The following AGBL1 variants were observed in gnomAD, a reference collection of about 807,000 sequenced individuals.
AGBL1 encodes the protein cytosolic carboxypeptidase 4.
A neutral mutation model predicts 118.9 loss-of-function variants in AGBL1; 130 were observed. The ratio of observed to expected loss-of-function variants is 1.09; its 90% CI spans 0.95 to 1.26. AGBL1 has a LOEUF of 1.26. Among genes scored for constraint, AGBL1 ranks in the 50% most tolerant of loss-of-function variants. AGBL1 has a pLI of 0.00. For synonymous variants in AGBL1, 555 were observed against 478.9 expected, an observed-to-expected ratio of 1.16 and a Z score of -2.08; for missense variants, 1,584 against 1,298.1, an observed-to-expected ratio of 1.22 and a Z score of -3.38.
rs528170409 is a variant in AGBL1, at chr15:86,268,592, C to G, written c.1839-1327C>G. On this transcript the variant is annotated intron_variant, in intron 13 of 22. Transcript: ENST00000614907. Reference sequence around the variant, plus strand: ...ATAGAGTCAAATAGCAGAAACAAACCTACTTATGGGTAAGGAATTTTTTAT... The same window carrying G: ...ATAGAGTCAAATAGCAGAAACAAACGTACTTATGGGTAAGGAATTTTTTAT... 2.5e-3 allele frequency among the ~76,000 whole-genome samples: 377 copies of G among 152,254 alleles called. 2 individuals are homozygous for G. Among genetic ancestry groups the G allele is most frequent in the Non-Finnish European group, 3.7e-3 (254 of 68,004 alleles).
chr15:86,817,540 C>G (rs2078879253), intron 22 of AGBL1, among the ~76,000 whole-genome samples: 1 of 144,350 alleles, frequency 6.9e-6, no homozygotes, highest in South Asian at 2.3e-4. Context: ...CACACACACA[C>G]ACACAGACAC....
chr15:86,346,044 G>C (rs776853981), intron 17 of AGBL1, among the ~76,000 whole-genome samples: 1 of 151,544 alleles, frequency 6.6e-6, no homozygotes, highest in East Asian at 1.9e-4. Flanking sequence ...GTGTAATGGC[G>C]TGATCTCGGC....
At chr15:86,382,138 A>G (rs938862069) in intron 17 of AGBL1, among the ~76,000 whole-genome samples, 8 of 151,890 alleles carry the variant, frequency 5.3e-5, no homozygotes, top group African/African-American at 1.9e-4. Flanking sequence ...CCTTCCCCAC[A>G]TCAGTCCCAG....
chr15:86,407,440 T>G (rs2142004618), intron 18 of AGBL1, among the ~76,000 whole-genome samples: 1 of 152,252 alleles, frequency 6.6e-6, no homozygotes, highest in African/African-American at 2.4e-5. Context: ...AGCATAGAAC[T>G]TGGGAAGTGG....
At chr15:86,573,490 A>G (rs369555373) in intron 21 of AGBL1, among the ~76,000 whole-genome samples, 2 of 152,228 alleles carry the variant, frequency 1.3e-5, no homozygotes, top group East Asian at 1.9e-4. Context: ...GAAACTGGAA[A>G]AGGTAACATC....
rs541387556 is a variant in AGBL1 at position 86,540,905 on chromosome 15, A to G, written c.2686-5097A>G. ...TCACCATGTTTATTCCTGCAGGTGA[A>G]TGGCTCTATAATTTGTCGTTTACTT... On this transcript the variant is annotated intron_variant, in intron 19 of 22. Transcript: ENST00000614907. Among the ~76,000 whole-genome samples the G allele has an allele frequency of 1.6e-4, 24 of 152,304 alleles. No individual in the cohort carries two copies. The South Asian group carries it at 5.0e-3, about 32-fold the overall frequency.
intron 21 of AGBL1, among the ~76,000 whole-genome samples, chr15:86,664,432 T>C (rs1440101728): frequency 6.6e-6 from 1 of 152,198 alleles, no homozygotes; most frequent in Admixed American, 6.6e-5. Context: ...AGGCAGGGAA[T>C]ATACACACTT....
chr15:86,337,737 G>A (rs2080395489), intron 17 of AGBL1, among the ~76,000 whole-genome samples: 2 of 152,106 alleles, frequency 1.3e-5, no homozygotes, highest in Admixed American at 1.3e-4. Flanking sequence ...GAGCATTAGG[G>A]AAAAAGCTGA....
intron 5 of AGBL1, among the ~76,000 whole-genome samples, chr15:86,175,378 G>A (rs187121052): frequency 5.8e-4 from 88 of 151,852 alleles, no homozygotes; most frequent in Admixed American, 5.7e-3. Flanking sequence ...TGTCATTTCT[G>A]ACTTTATTTA....
intron 21 of AGBL1, among the ~76,000 whole-genome samples, chr15:86,645,810 T>C (rs1368397350): frequency 6.6e-6 from 1 of 152,168 alleles, no homozygotes; most frequent in Non-Finnish European, 1.5e-5. Context: ...TTAAAATCCA[T>C]ATTATTTTTA....
At chr15:86,341,816 C>A (rs945572685) in intron 17 of AGBL1, among the ~76,000 whole-genome samples, 4 of 152,022 alleles carry the variant, frequency 2.6e-5, no homozygotes, top group Admixed American at 2.0e-4. Context: ...GTGAGTAGGC[C>A]ACTTGAGTCA....
intron 23 of AGBL1, among the ~76,000 whole-genome samples, chr15:86,936,543 T>C (rs1381712787): frequency 6.6e-6 from 1 of 152,090 alleles, no homozygotes; most frequent in Non-Finnish European, 1.5e-5. Context: ...CAAAAACAAG[T>C]AATGGGGAAA....
intron 22 of AGBL1, among the ~76,000 whole-genome samples, chr15:86,740,950 T>A (rs2077669189): frequency 6.6e-6 from 1 of 152,010 alleles, no homozygotes; most frequent in Admixed American, 6.6e-5. Context: ...TGACTATAGA[T>A]CCTCAAGTAT....
chr15:86,203,793 T>G (rs2077945892), intron 5 of AGBL1, among the ~76,000 whole-genome samples: 1 of 152,168 alleles, frequency 6.6e-6, no homozygotes, highest in African/African-American at 2.4e-5. Flanking sequence ...AATGGGGTAT[T>G]GTGGGAAAGG....
intron 6 of AGBL1, 51 bp downstream of exon 6, chr15:86,225,002 GA>G (rs1202947185): frequency 4.5e-6 from 7 of 1,541,500 alleles, no homozygotes; most frequent in Non-Finnish European, 6.2e-6. Context: ...TGGGTTTAAT[GA>G]AAGATACTTT....
At chr15:86,334,411 A>G (rs1486724866) in intron 17 of AGBL1, among the ~76,000 whole-genome samples, 1 of 152,090 alleles carries the variant, frequency 6.6e-6, no homozygotes, top group Non-Finnish European at 1.5e-5. Context: ...AACACAATCC[A>G]ATTTAAATTA....
chr15:86,151,589 G>A (rs2077112111), intron 3 of AGBL1, among the ~76,000 whole-genome samples: 1 of 152,102 alleles, frequency 6.6e-6, no homozygotes, highest in Non-Finnish European at 1.5e-5. Context: ...GGAAAAAACT[G>A]GAAACATTCC....
intron 17 of AGBL1, among the ~76,000 whole-genome samples, chr15:86,303,742 C>T (rs990355699): frequency 2.6e-5 from 4 of 152,064 alleles, no homozygotes; most frequent in African/African-American, 9.7e-5. Context: ...TATATTTCAT[C>T]AGAATCAGTC....
At chr15:86,680,153 A>C in intron 22 of AGBL1, among the ~76,000 whole-genome samples, 1 of 152,308 alleles carries the variant, frequency 6.6e-6, no homozygotes, top group African/African-American at 2.4e-5. Context: ...TATCTATGGC[A>C]TTTAAATTGT....
Sources: allele counts gnomAD v4.1 joint callset (sites outside exome capture counted in the v4.1 genomes callset), GRCh38; gene constraint gnomAD v4.1.1; transcripts MANE v1.5; gene names NCBI Gene and HGNC (gene_info 2026-07-23, HGNC 2026-07-21).